The following EPHA4 variants were observed in gnomAD, a reference collection of about 807,000 sequenced individuals.
EPHA4 encodes ephrin type-A receptor 4.
EPHA4 carries 19 observed loss-of-function variants against 108.3 expected under a neutral mutation model. That is an observed-to-expected ratio of 0.18 (90% confidence interval 0.12 to 0.26). The LOEUF (loss-of-function observed/expected upper bound fraction) is 0.26. Among genes scored for constraint, EPHA4 ranks in the 10% least tolerant of loss-of-function variants. EPHA4 has a pLI of 1.00. For synonymous variants in EPHA4, 449 were observed against 455.5 expected (o/e 0.99, Z 0.18); for missense variants, 917 against 1,254.0 (o/e 0.73, Z 4.06).
At chr2:221,549,749 G>A (rs979641599) in intron 3 of EPHA4, among the ~76,000 whole-genome samples, 2 of 152,206 alleles carry the variant, frequency 1.3e-5, no homozygotes, top group African/African-American at 4.8e-5. Context: ...CACTTTGGGG[G>A]GCCCAGGCAG....
At chr2:221,452,708 G>A (rs1690825542) in intron 8 of EPHA4, among the ~76,000 whole-genome samples, 1 of 80,272 alleles carries the variant, frequency 1.2e-5, no homozygotes, top group Non-Finnish European at 3.0e-5. Context: ...CTTGGGAAGT[G>A]ACATTTTTTT....
At chr2:221,513,374 T>TAAC (rs1443229124) in intron 3 of EPHA4, among the ~76,000 whole-genome samples, 4 of 152,228 alleles carry the variant, frequency 2.6e-5, no homozygotes, top group African/African-American at 9.6e-5. Flanking sequence ...ATTATTTGAT[T>TAAC]AACTCCGGCA....
At chr2:221,568,132 C>G (rs958963637) in intron 2 of EPHA4, among the ~76,000 whole-genome samples, 3 of 152,178 alleles carry the variant, frequency 2.0e-5, no homozygotes, top group South Asian at 4.1e-4. Flanking sequence ...TTCAAGATTA[C>G]AGACACATAA....
chr2:221,436,834 T>A lies in EPHA4; in HGVS notation c.2137-226A>T, dbSNP rs138161961. Among the ~76,000 whole-genome samples, 881 of 152,302 alleles carry A rather than the reference T, an allele frequency of 5.8e-3. 9 individuals carry two copies. Among genetic ancestry groups the A allele is most frequent in the African/African-American group, 0.02 (834 of 41,562 alleles). The stretch of plus-strand genomic sequence containing the variant: ...ATGGAAATTATCCAACTGTAATGAA[T>A]CTACGGCTCCAACAGCTCCACATTA... On this transcript the variant is annotated intron_variant, in intron 12 of 17. Transcript: ENST00000281821.
chr2:221,498,296 G>T (rs1331883908), intron 4 of EPHA4, among the ~76,000 whole-genome samples: 1 of 152,180 alleles, frequency 6.6e-6, no homozygotes, highest in African/African-American at 2.4e-5. Context: ...TGCATGGAAA[G>T]TAAGTGGGGG....
At chr2:221,455,417 G>A in intron 8 of EPHA4, 130 bp downstream of exon 8, 1 of 693,060 alleles carries the variant, frequency 1.4e-6, no homozygotes, top group Non-Finnish European at 2.5e-6. Context: ...AAGCAACAAG[G>A]AGGAAACTTG....
chr2:221,504,906 T>C (rs1692585104), intron 3 of EPHA4, among the ~76,000 whole-genome samples: 1 of 152,214 alleles, frequency 6.6e-6, no homozygotes, highest in Admixed American at 6.5e-5. Flanking sequence ...TGAAAAAGGT[T>C]AAGTTACCTA....
chr2:221,474,879 A>C (rs912221261), intron 5 of EPHA4, among the ~76,000 whole-genome samples: 4 of 152,040 alleles, frequency 2.6e-5, no homozygotes, highest in African/African-American at 9.7e-5. Context: ...TAGAATTATT[A>C]TTATTTTGAG....
At chr2:221,530,926 A>G (rs553439194) in intron 3 of EPHA4, among the ~76,000 whole-genome samples, 2 of 152,208 alleles carry the variant, frequency 1.3e-5, no homozygotes, top group African/African-American at 4.8e-5. Flanking sequence ...AGGTCCTTCA[A>G]ATATTAGCTC....
At chr2:221,519,905 A>G (rs1393349016) in intron 3 of EPHA4, among the ~76,000 whole-genome samples, 1 of 151,862 alleles carries the variant, frequency 6.6e-6, no homozygotes, top group Non-Finnish European at 1.5e-5. Flanking sequence ...TGCAACCTAG[A>G]GTCCTAGCCT....
chr2:221,426,611 G>A lies in EPHA4; in HGVS notation c.2699C>T (p.Thr900Ile), dbSNP rs759439482. The A allele has an allele frequency of 9.9e-6, 16 of 1,612,930 alleles. No homozygotes were observed. The South Asian group carries it at 1.8e-4, about 18-fold the overall frequency. ...AGGGGAGCTTGGATCCAACAAGGCA[G>A]TGTTAGGTCTAGAAAGAGAACAAGA... ...RTGTESSRPN[T>I]ALLDPSSPEF... is the part of the protein sequence containing the mutation. The change falls in exon 16 of 18, where the codon ACT becomes ATT. Residue 900 changes from threonine (T) to isoleucine (I), a missense_variant. This residue lies in a region of EPHA4 where 133 missense variants were observed against 132.8 expected (regional missense o/e 1.00). Coordinates refer to ENST00000281821, the MANE Select transcript of EPHA4 (RefSeq NM_004438.5).
intron 3 of EPHA4, among the ~76,000 whole-genome samples, chr2:221,545,234 TCGAGG>T (rs1157046141): frequency 2.6e-4 from 6 of 23,122 alleles, no homozygotes; most frequent in Admixed American, 1.9e-3. Context: ...GATCACGAGG[TCGAGG>T]TGGGCGGATC....
chr2:221,537,053 G>A (rs1041514994), intron 3 of EPHA4, among the ~76,000 whole-genome samples: 3 of 152,184 alleles, frequency 2.0e-5, no homozygotes, highest in Admixed American at 6.5e-5. Flanking sequence ...CTATGCCGTG[G>A]GACTTTGAAT....
At chr2:221,480,388 G>T (rs1691783623) in intron 5 of EPHA4, among the ~76,000 whole-genome samples, 1 of 152,174 alleles carries the variant, frequency 6.6e-6, no homozygotes, top group Non-Finnish European at 1.5e-5. Context: ...GGGGCTGCAT[G>T]TAAGAATACT....
intron 3 of EPHA4, among the ~76,000 whole-genome samples, chr2:221,512,032 G>A (rs1001194018): frequency 6.6e-6 from 1 of 151,844 alleles, no homozygotes; most frequent in Non-Finnish European, 1.5e-5. Flanking sequence ...TATGACTTTA[G>A]TAAATTTTGA....
chr2:221,572,276 C>A lies in EPHA4; in HGVS notation c.-28G>T, dbSNP rs201464391. ...TTCGCCGGTGCCAACGCTGCTCCTGCCGCTTCTATCCCAGTGGAATAAATG... is the reference window on the plus strand; with the variant it reads ...TTCGCCGGTGCCAACGCTGCTCCTGACGCTTCTATCCCAGTGGAATAAATG... On this transcript the variant is annotated 5_prime_UTR_variant, in exon 1 of 18. Coordinates refer to ENST00000281821, the MANE Select transcript of EPHA4 (RefSeq NM_004438.5). 5 of 1,569,838 alleles carry A rather than the reference C, an allele frequency of 3.2e-6. No homozygotes were observed. The African/African-American group carries it at 5.4e-5, about 17-fold the overall frequency.
chr2:221,452,615 A>G (rs1217173292), intron 8 of EPHA4, among the ~76,000 whole-genome samples: 1 of 152,192 alleles, frequency 6.6e-6, no homozygotes, highest in Non-Finnish European at 1.5e-5. Flanking sequence ...CTAAAGAAGA[A>G]TCAATATGAG....
At chr2:221,453,757 A>G (rs541015545) in intron 8 of EPHA4, among the ~76,000 whole-genome samples, 8 of 152,392 alleles carry the variant, frequency 5.2e-5, no homozygotes, top group African/African-American at 1.7e-4. Context: ...CATGAAAAGC[A>G]ATGAACACGG....
chr2:221,444,678 T>C (rs972799180), intron 9 of EPHA4, among the ~76,000 whole-genome samples: 1 of 151,592 alleles, frequency 6.6e-6, no homozygotes, highest in Non-Finnish European at 1.5e-5. Context: ...CATCACTTTA[T>C]ATGCTATAGC....
Sources: allele counts gnomAD v4.1 joint callset (sites outside exome capture counted in the v4.1 genomes callset), GRCh38; gene constraint gnomAD v4.1.1; regional missense constraint gnomAD v4.1.1; transcripts MANE v1.5; gene names NCBI Gene and HGNC (gene_info 2026-07-23, HGNC 2026-07-21).